CHID1: variants seen among roughly 807,000 people sequenced by gnomAD.
CHID1 encodes chitinase domain containing 1, also known as chitinase domain-containing protein 1.
CHID1 carries 44 observed loss-of-function variants against 55.4 expected under a neutral mutation model. The observed-to-expected ratio is 0.79, with a 90% CI of 0.62 to 1.02. CHID1 has a LOEUF of 1.02. CHID1 is among the 50% of genes least tolerant of loss of function. The probability of loss-of-function intolerance (pLI) is 0.00; values close to 1 mark genes in which losing one functional copy is unlikely to be tolerated. For missense variants in CHID1, 491 were observed against 515.3 expected, an observed-to-expected ratio of 0.95 and a Z score of 0.46; for synonymous variants, 216 against 212.9, an observed-to-expected ratio of 1.01 and a Z score of -0.13.
intron 8 of CHID1, among the ~76,000 whole-genome samples, chr11:884,731 G>A (rs1379438021): frequency 1.3e-5 from 2 of 152,258 alleles, no homozygotes; most frequent in East Asian, 3.9e-4. Context: ...GCAAGGCTGT[G>A]TGGCACATTC....
chr11:901,108 G>A (rs1056611216), intron 4 of CHID1, 128 bp from the exon 5 acceptor site: 16 of 756,468 alleles, frequency 2.1e-5, no homozygotes, highest in Non-Finnish European at 2.9e-5. Flanking sequence ...GCAGGCAGGT[G>A]TGAGAACCCA....
rs1450895032 is a variant in CHID1 at position 910,770 on chromosome 11, C to A, written c.-44+5G>T. ...GGAGCAGGGGCCGGCCGCCGCGGGG[C>A]TCACCTGCATGTCAGGGAGGCCGGA... On this transcript the variant is annotated splice_donor_5th_base_variant and intron_variant, in intron 1 of 12. Coordinates refer to ENST00000323578, the MANE Select transcript of CHID1 (RefSeq NM_023947.4). 5 of 1,158,226 alleles carry A rather than the reference C, an allele frequency of 4.3e-6. No individual in the cohort carries two copies. Among genetic ancestry groups the A allele is most frequent in the South Asian group, 3.2e-5 (2 of 62,026 alleles). 71.7% of individuals were successfully genotyped at this position (1,158,226 alleles called of 1,614,324 possible). A position where few individuals can be genotyped will look rare whatever the true frequency, so the allele number is the denominator to read the frequency against.
intron 10 of CHID1, among the ~76,000 whole-genome samples, chr11:873,062 A>T (rs949111818): frequency 2.6e-5 from 4 of 152,080 alleles, no homozygotes; most frequent in African/African-American, 9.7e-5. Context: ...GCTACTCCCA[A>T]GCAGGCCCTG....
chr11:888,384 G>T (rs1160736017), intron 8 of CHID1, among the ~76,000 whole-genome samples: 5 of 152,194 alleles, frequency 3.3e-5, no homozygotes, highest in Non-Finnish European at 7.3e-5. Flanking sequence ...CCTCCTACTT[G>T]CAAGAAACAC....
chr11:909,589 C>T (rs887709796), intron 1 of CHID1, among the ~76,000 whole-genome samples: 2 of 152,198 alleles, frequency 1.3e-5, no homozygotes, highest in Non-Finnish European at 2.9e-5. Flanking sequence ...GCCCAGCACA[C>T]GTGTATGTCA....
intron 7 of CHID1, among the ~76,000 whole-genome samples, chr11:895,138 G>C (rs1440528617): frequency 6.6e-6 from 1 of 152,198 alleles, no homozygotes; most frequent in Non-Finnish European, 1.5e-5. Flanking sequence ...AAAGTGAGCA[G>C]AGTAAGCCCT....
chr11:910,988 CCCCGGGCCCGGCGCG>C (rs1217971584), upstream of CHID1: 145 of 185,336 alleles, frequency 7.8e-4, no homozygotes, highest in African/African-American at 3.2e-3. Context: ...CGGGGGCGGA[CCCCGGGCCCGGCGCG>C]TTCACCTTGA....
In CHID1 at chr11:883,202, T is replaced by C. The variant is rs373872718; in HGVS notation, c.905A>G (p.Tyr302Cys). Residue 302 changes from tyrosine to cysteine, a missense_variant, in exon 10 of 13, where the codon TAT becomes TGT. Physicochemically the swap from Tyr to Cys is radical, Grantham distance 194. Transcript: ENST00000323578. ...RSKILLGLNF[Y>C]GMDYATSKDA... ...CTTGGAGGTCGCGTAGTCCATACCA[T>C]AGAAGTTGAGCCCCAGGAGGATTTT... is the stretch of plus-strand genomic sequence containing the variant. The C allele has an allele frequency of 2.5e-6, 4 of 1,613,972 alleles. No individual in the cohort carries two copies. The highest frequency in any genetic ancestry group is 2.2e-5 in the South Asian group (2 of 91,094).
At chr11:878,477 T>C (rs1270737991) in intron 10 of CHID1, among the ~76,000 whole-genome samples, 2 of 151,482 alleles carry the variant, frequency 1.3e-5, no homozygotes, top group Non-Finnish European at 2.9e-5. Flanking sequence ...GAGGCAGAAT[T>C]GCTTGAACCC....
At chr11:909,457 C>T (rs536636725) in intron 1 of CHID1, among the ~76,000 whole-genome samples, 6 of 152,204 alleles carry the variant, frequency 3.9e-5, no homozygotes, top group African/African-American at 1.2e-4. Flanking sequence ...CACTTTCCTG[C>T]GCTCCCAGTC....
At chr11:902,084 CCATA>C (rs1851860378) in intron 4 of CHID1, 110 bp downstream of exon 4, 21 of 1,204,328 alleles carry the variant, frequency 1.7e-5, no homozygotes, top group Admixed American at 5.8e-5. Context: ...ACACACACTC[CCATA>C]CAGAGACACC....
chr11:910,917 T>A (rs1852633618), upstream of CHID1: 1 of 779,570 alleles, frequency 1.3e-6, no homozygotes, highest in South Asian at 5.3e-5. Flanking sequence ...GACAGGGGAC[T>A]GGGCAGGGCT....
rs373291423 is a variant in CHID1, at chr11:870,077, A to T, written c.1083+44T>A. ...AGGCCAGTGCCTGCTGTGCTGTCGCATGGCCCACCCCTCCCCCGGTCCCAC... is the reference window on the plus strand; with the variant it reads ...AGGCCAGTGCCTGCTGTGCTGTCGCTTGGCCCACCCCTCCCCCGGTCCCAC... On this transcript the variant is annotated intron_variant, in intron 12 of 12. Transcript: ENST00000323578. 8 of 1,611,596 alleles carry T rather than the reference A, an allele frequency of 5.0e-6. No homozygotes were observed. The African/African-American group carries it at 9.4e-5, about 19-fold the overall frequency.
At position 868,978 on chromosome 11, in the gene CHID1, G is replaced by A. The variant is rs1849002200; in HGVS notation, c.*880C>T. 6.6e-6 allele frequency: 1 copy of A among 152,370 alleles called. No homozygotes were observed. Among genetic ancestry groups the A allele is most frequent in the Non-Finnish European group, 1.5e-5 (1 of 68,180 alleles). 9.4% of individuals were successfully genotyped at this position (152,370 alleles called of 1,614,324 possible). A position where few individuals can be genotyped will look rare whatever the true frequency, so the allele number is the denominator to read the frequency against. ...CACGGCCAGCCAAGGACAGGATGGT[G>A]ACGAGGGGCAGGGGAACGAGGGCCA... is the stretch of plus-strand genomic sequence containing the variant. On this transcript the variant is annotated 3_prime_UTR_variant, in exon 13 of 13. Transcript: ENST00000323578.
In CHID1 at chr11:868,826, C is replaced by T. The variant is rs1052393116; in HGVS notation, c.*1032G>A. ...CCACGGCATTCTGAGTGAGGGACGC[C>T]CAGGCCCACCCACTCCCTGGACTCA... is the stretch of plus-strand genomic sequence containing the variant. On this transcript the variant is annotated 3_prime_UTR_variant, in exon 13 of 13. Transcript: ENST00000323578. The T allele has an allele frequency of 2.0e-5, 3 of 152,520 alleles. No homozygotes were observed. Among genetic ancestry groups the T allele is most frequent in the Non-Finnish European group, 4.4e-5 (3 of 68,248 alleles). The allele number at this position is 152,520 out of a possible 1,614,324, so 9.4% of individuals were successfully genotyped here. A position where few individuals can be genotyped will look rare whatever the true frequency, so the allele number is the denominator to read the frequency against.
upstream of CHID1, chr11:915,052 A>T (rs1852861239): frequency 1.9e-5 from 3 of 157,732 alleles, no homozygotes; most frequent in Admixed American, 1.9e-4. Flanking sequence ...AGAGGGACAC[A>T]CACCAGCACT....
At chr11:879,677 T>C (rs1849757703) in intron 10 of CHID1, among the ~76,000 whole-genome samples, 1 of 152,246 alleles carries the variant, frequency 6.6e-6, no homozygotes, top group African/African-American at 2.4e-5. Flanking sequence ...TTTGTTACCC[T>C]TGAAGACTAG....
intron 7 of CHID1, among the ~76,000 whole-genome samples, chr11:897,268 G>C (rs1322217663): frequency 6.6e-6 from 1 of 151,496 alleles, no homozygotes; most frequent in African/African-American, 2.4e-5. Flanking sequence ...CCAGACACGA[G>C]GCTGTCTCAG....
At chr11:889,141 G>T (rs2134217374) in intron 8 of CHID1, among the ~76,000 whole-genome samples, 1 of 152,292 alleles carries the variant, frequency 6.6e-6, no homozygotes, top group East Asian at 1.9e-4. Context: ...AGAGGCCGGG[G>T]CGGCTGCGGC....
Sources: allele counts gnomAD v4.1 joint callset (sites outside exome capture counted in the v4.1 genomes callset), GRCh38; gene constraint gnomAD v4.1.1; transcripts MANE v1.5; gene names NCBI Gene and HGNC (gene_info 2026-07-23, HGNC 2026-07-21).